The following NUP210 variants were observed in gnomAD, a reference collection of about 807,000 sequenced individuals.
NUP210 encodes nucleoporin 210, also known as nuclear pore membrane glycoprotein 210.
Under a neutral mutation model 196.0 loss-of-function variants are expected in NUP210, and 151 were observed. The ratio of observed to expected loss-of-function variants is 0.77; its 90% CI spans 0.67 to 0.88. The LOEUF is 0.88. Ranked by LOEUF, NUP210 falls within the 40% of genes least tolerant of loss-of-function variation. The pLI is 0.00. For missense variants in NUP210, 2,314 were observed against 2,493.7 expected, an observed-to-expected ratio of 0.93 and a Z score of 1.53; for synonymous variants, 1,070 against 1,052.7, an observed-to-expected ratio of 1.02 and a Z score of -0.32.
chr3:13,342,256 G>T (rs1360665974), intron 21 of NUP210, 133 bp from the exon 22 acceptor site: 1 of 1,121,816 alleles, frequency 8.9e-7, no homozygotes, highest in Admixed American at 2.3e-5. Flanking sequence ...AGTCACCCAG[G>T]TTGACTTCTG....
chr3:13,324,892 G>A (rs1696683142), intron 33 of NUP210, among the ~76,000 whole-genome samples: 1 of 152,218 alleles, frequency 6.6e-6, no homozygotes, highest in South Asian at 2.1e-4. Flanking sequence ...GGCTTCTGAC[G>A]TGCTAACTCA....
rs537487215 is a variant in NUP210 at position 13,368,698 on chromosome 3, T to G, written c.1787-2607A>C. On this transcript the variant is annotated intron_variant, in intron 13 of 39. Coordinates refer to ENST00000254508, the MANE Select transcript of NUP210 (RefSeq NM_024923.4). Reference sequence around the variant, plus strand: ...CATAGAGTATTTGTCCTTTCGTGACTGGCTTACTTCACTGAGCATGATGTC... The same window carrying G: ...CATAGAGTATTTGTCCTTTCGTGACGGGCTTACTTCACTGAGCATGATGTC... Among the ~76,000 whole-genome samples the G allele has an allele frequency of 3.3e-5, 5 of 152,386 alleles. No individual in the cohort carries two copies. In the East Asian group the frequency reaches 9.6e-4, roughly 29 times the overall value.
rs1405388964 is a variant in NUP210, at chr3:13,379,582, G to C, written c.957C>G (p.Ser319Arg). The C allele has an allele frequency of 2.5e-6, 4 of 1,614,146 alleles. No homozygotes were observed. The Admixed American group carries it at 6.7e-5, about 27-fold the overall frequency. Residue 319 changes from serine (S) to arginine (R), a missense_variant, in exon 7 of 40, where the codon AGC becomes AGG. Physicochemically the swap from Ser to Arg is moderately radical, Grantham distance 110. Coordinates refer to ENST00000254508, the MANE Select transcript of NUP210 (RefSeq NM_024923.4). This position sits in a 1 kb window ranked among gnomAD's most constrained non-coding sequence, Gnocchi z 4.2. ...MVTALQLGQS[S>R]LVLGHRSIRM... is the part of the protein sequence containing the mutation. ...GGATATTCCTGTGGCCAAGGACGAG[G>C]CTGCTCTGTCCCAGCTGCAGTGCAG...
At chr3:13,410,019 ATT>A (rs34707109) in intron 1 of NUP210, among the ~76,000 whole-genome samples, 31,299 of 137,822 alleles carry the variant, frequency 0.23, 5,183 homozygotes, top group African/African-American at 0.48. Context: ...CACCCAGCTA[ATT>A]TTTTTTTTTT....
At chr3:13,368,630 C>A (rs1021226472) in intron 13 of NUP210, among the ~76,000 whole-genome samples, 21 of 152,320 alleles carry the variant, frequency 1.4e-4, no homozygotes, top group African/African-American at 5.1e-4. Context: ...TACTTCCTAT[C>A]TTCATGAATT....
chr3:13,355,955 G>A (rs940770400), intron 16 of NUP210, among the ~76,000 whole-genome samples: 1 of 152,200 alleles, frequency 6.6e-6, no homozygotes, highest in African/African-American at 2.4e-5. Flanking sequence ...GTCCAGGGAC[G>A]TTAAATGTTG....
intron 1 of NUP210, among the ~76,000 whole-genome samples, chr3:13,419,003 G>A (rs1700444214): frequency 7.0e-6 from 1 of 143,130 alleles, no homozygotes; most frequent in South Asian, 2.3e-4. Context: ...AATAGTGCAA[G>A]CAACAGAGAA....
rs954504909 is a variant in NUP210 at position 13,328,673 on chromosome 3, T to C, written c.4286+98A>G. 3.4e-6 allele frequency: 4 copies of C among 1,182,280 alleles called. No homozygotes were observed. In the African/African-American group the frequency reaches 4.5e-5, roughly 13 times the overall value. The allele number at this position is 1,182,280 out of a possible 1,614,324, so 73.2% of individuals were successfully genotyped here. Reference sequence around the variant, plus strand: ...TTGGAAACTGAAGTAATACACATCTTCCTTCAACAGCAGCAGACTTTCTGT... The same window carrying C: ...TTGGAAACTGAAGTAATACACATCTCCCTTCAACAGCAGCAGACTTTCTGT... On this transcript the variant is annotated intron_variant, in intron 31 of 39. Transcript: ENST00000254508.
At chr3:13,333,306 C>T (rs993114062) in intron 28 of NUP210, among the ~76,000 whole-genome samples, 7 of 152,360 alleles carry the variant, frequency 4.6e-5, no homozygotes, top group African/African-American at 7.2e-5. Context: ...CTCAGGGCTG[C>T]TGCCTCCTCG....
At position 13,317,632 on chromosome 3, in the gene NUP210, G is replaced by A. The variant is rs780325734; in HGVS notation, c.*49C>T. 1.5e-6 allele frequency: 2 copies of A among 1,321,432 alleles called. No homozygotes were observed. Among genetic ancestry groups the A allele is most frequent in the South Asian group, 2.5e-5 (2 of 79,874 alleles). The allele number at this position is 1,321,432 out of a possible 1,614,324, so 81.9% of individuals were successfully genotyped here. A position where few individuals can be genotyped will look rare whatever the true frequency, so the allele number is the denominator to read the frequency against. ...TGCAGCAGGGATGTTCCATCTTGGG[G>A]GTGCACGAGGCTCGGCTGAGACCCA... On this transcript the variant is annotated 3_prime_UTR_variant, in exon 40 of 40. Coordinates refer to ENST00000254508, the MANE Select transcript of NUP210 (RefSeq NM_024923.4).
Position 13,317,638 on chromosome 3 carries a change from C to A in NUP210, c.*43G>T. On this transcript the variant is annotated 3_prime_UTR_variant, in exon 40 of 40. Coordinates refer to ENST00000254508, the MANE Select transcript of NUP210 (RefSeq NM_024923.4). The stretch of plus-strand genomic sequence containing the variant: ...AGGGATGTTCCATCTTGGGGGTGCA[C>A]GAGGCTCGGCTGAGACCCATCCTCC... The A allele has an allele frequency of 7.1e-7, 1 of 1,408,420 alleles. No homozygotes were observed. 87.2% of individuals were successfully genotyped at this position (1,408,420 alleles called of 1,614,324 possible). A position where few individuals can be genotyped will look rare whatever the true frequency, so the allele number is the denominator to read the frequency against.
Position 13,325,779 on chromosome 3 carries a change from G to A in NUP210, c.4644+16C>T, listed in dbSNP as rs765653291. The A allele has an allele frequency of 2.1e-5, 34 of 1,612,102 alleles. No homozygotes were observed. Among genetic ancestry groups the A allele is most frequent in the Non-Finnish European group, 2.7e-5 (32 of 1,179,072 alleles). On this transcript the variant is annotated intron_variant, in intron 33 of 39. Coordinates refer to ENST00000254508, the MANE Select transcript of NUP210 (RefSeq NM_024923.4). ...GGCCACTGAGCCACATGTGCCTCCG[G>A]CTGCTTAGAGCCCACCTCCTTGTAG...
At chr3:13,375,322 G>GT (rs1336441243) in intron 11 of NUP210, among the ~76,000 whole-genome samples, 182 bp downstream of exon 11, 5 of 151,020 alleles carry the variant, frequency 3.3e-5, no homozygotes, top group Non-Finnish European at 5.9e-5. Context: ...GGTTTTTGTT[G>GT]TTTTTTTTCC....
chr3:13,413,750 T>C (rs556768269), intron 1 of NUP210, among the ~76,000 whole-genome samples: 1 of 151,962 alleles, frequency 6.6e-6, no homozygotes, highest in East Asian at 1.9e-4. Context: ...GATGAAAGAG[T>C]TCTGAAGGTG....
chr3:13,365,331 T>G (rs924365002), intron 14 of NUP210, among the ~76,000 whole-genome samples: 7 of 152,172 alleles, frequency 4.6e-5, no homozygotes, highest in Non-Finnish European at 7.4e-5. Flanking sequence ...AGTCCCATTT[T>G]ACAGGCAGGG....
Position 13,334,467 on chromosome 3 carries a change from G to A in NUP210, c.3843+987C>T, listed in dbSNP as rs143713641. On this transcript the variant is annotated intron_variant, in intron 28 of 39. Coordinates refer to ENST00000254508, the MANE Select transcript of NUP210 (RefSeq NM_024923.4). ...GGCAGGGGTGAGGGGTTGGCAGATC[G>A]GTGGGGGTTTTTTTGTGGGTGTTTC... Among the ~76,000 whole-genome samples the A allele has an allele frequency of 6.9e-3, 1,050 of 152,196 alleles. 13 individuals carry two copies. Among genetic ancestry groups the A allele is most frequent in the African/African-American group, 0.024 (1,010 of 41,520 alleles).
intron 1 of NUP210, among the ~76,000 whole-genome samples, chr3:13,400,286 G>A (rs1382071887): frequency 1.3e-5 from 2 of 152,162 alleles, no homozygotes; most frequent in Non-Finnish European, 2.9e-5. Context: ...CCCAGGCCTG[G>A]CGCACAGCAG....
chr3:13,319,113 G>A lies in NUP210; in HGVS notation c.5522C>T (p.Ala1841Val), dbSNP rs1217716567. 2 of 1,609,070 alleles carry A rather than the reference G, an allele frequency of 1.2e-6. No individual in the cohort carries two copies. The highest frequency in any genetic ancestry group is 2.2e-5 in the East Asian group (1 of 44,738). ...AGGGCTGGCTCGAGGCGTGAGGGCT[G>A]CAGGCACAGCAAGATCCCGGGGCGT... The part of the protein sequence containing the change: ...VCTPRDLAVP[A>V]ALTPRASPGH... The change falls in exon 39 of 40, where the codon GCA becomes GTA. Residue 1841 changes from alanine (A) to valine (V), a missense_variant. Ala to Val is a moderately conservative substitution (Grantham distance 64, BLOSUM62 0). Transcript: ENST00000254508.
chr3:13,413,841 G>A lies in NUP210; in HGVS notation c.167+6219C>T, dbSNP rs115546812. Among the ~76,000 whole-genome samples the A allele has an allele frequency of 3.1e-3, 477 of 152,234 alleles. 3 individuals are homozygous for A. Among genetic ancestry groups the A allele is most frequent in the African/African-American group, 0.011 (462 of 41,532 alleles). Reference sequence around the variant, plus strand: ...ACACCTAAAAATGGTTAAGGAGGTCGATTATATGTTATATATATTTTACCA... The same window carrying A: ...ACACCTAAAAATGGTTAAGGAGGTCAATTATATGTTATATATATTTTACCA... On this transcript the variant is annotated intron_variant, in intron 1 of 39. Transcript: ENST00000254508.
Sources: allele counts gnomAD v4.1 joint callset (sites outside exome capture counted in the v4.1 genomes callset), GRCh38; gene constraint gnomAD v4.1.1; non-coding constraint Gnocchi (gnomAD v3.1); transcripts MANE v1.5; gene names NCBI Gene and HGNC (gene_info 2026-07-23, HGNC 2026-07-21).